Variants in SOCS6 observed in about 807,000 individuals in gnomAD.
SOCS6 encodes the protein STAT induced STAT inhibitor-4.
Under a neutral mutation model 27.7 loss-of-function variants are expected in SOCS6, and 5 were observed. The ratio of observed to expected loss-of-function variants is 0.18; its 90% confidence interval spans 0.09 to 0.38. The LOEUF (loss-of-function observed/expected upper bound fraction) is 0.38, where lower values mean the gene tolerates loss of function less well. SOCS6 is among the 10% of genes least tolerant of loss of function. The pLI is 1.00. For synonymous variants in SOCS6, 271 were observed against 260.0 expected, an observed-to-expected ratio of 1.04 and a Z score of -0.41; for missense variants, 595 against 688.1, an observed-to-expected ratio of 0.86 and a Z score of 1.51.
intron 1 of SOCS6, among the ~76,000 whole-genome samples, chr18:70,317,551 A>G (rs1443678980): frequency 1.4e-4 from 17 of 123,532 alleles, no homozygotes; most frequent in African/African-American, 6.5e-4. Context: ...CTTCATATAT[A>G]CATACACACA....
chr18:70,311,103 T>C (rs1281487477), intron 1 of SOCS6, among the ~76,000 whole-genome samples: 2 of 152,178 alleles, frequency 1.3e-5, no homozygotes, highest in Non-Finnish European at 2.9e-5. Context: ...TGGTCTGAGT[T>C]AGGTGTGGCT....
In SOCS6 at chr18:70,326,281, T is replaced by C. The variant is rs1311664282; in HGVS notation, c.*5T>C. 1 of 1,603,460 alleles carries C rather than the reference T, an allele frequency of 6.2e-7. No homozygotes were observed. The highest frequency in any genetic ancestry group is 1.3e-5 in the African/African-American group (1 of 74,522). On this transcript the variant is annotated 3_prime_UTR_variant, in exon 2 of 2. Transcript: ENST00000397942. ...TTACAGGAGAAGCACTACTGAAAGA[T>C]TGAGAACCCTGCATCTTGCACTTTG...
At chr18:70,296,907 T>TTTC (rs60241769) in intron 1 of SOCS6, among the ~76,000 whole-genome samples, 6 of 36,722 alleles carry the variant, frequency 1.6e-4, no homozygotes, top group African/African-American at 2.7e-4. Context: ...ATTTTCTTTC[T>TTTC]TTTTTTTTTT....
At chr18:70,317,910 A>G (rs759651179) in intron 1 of SOCS6, among the ~76,000 whole-genome samples, 6 of 152,274 alleles carry the variant, frequency 3.9e-5, no homozygotes, top group Admixed American at 1.3e-4. Context: ...GTGGGTGTGC[A>G]TGGTGTGATC....
chr18:70,309,778 G>T lies in SOCS6; in HGVS notation c.-126-14765G>T, dbSNP rs563150543. On this transcript the variant is annotated intron_variant, in intron 1 of 1. Transcript: ENST00000397942. The stretch of plus-strand genomic sequence containing the variant: ...AGCTCACTGCAACTTCCACCTCCCA[G>T]GTTCAAGTGATTCTCCTACCTTGGC... Among the ~76,000 whole-genome samples the T allele has an allele frequency of 2.0e-5, 3 of 152,152 alleles. No individual in the cohort carries two copies. The South Asian group carries it at 6.2e-4, about 32-fold the overall frequency.
chr18:70,305,896 G>GGT (rs951331958), intron 1 of SOCS6, among the ~76,000 whole-genome samples: 7 of 151,298 alleles, frequency 4.6e-5, no homozygotes, highest in African/African-American at 1.7e-4. Flanking sequence ...GGTGTGTGGG[G>GGT]GTGTGTGTGT....
intron 1 of SOCS6, among the ~76,000 whole-genome samples, chr18:70,316,704 T>C (rs930523574): frequency 5.4e-5 from 8 of 147,472 alleles, no homozygotes; most frequent in Non-Finnish European, 1.2e-4. Flanking sequence ...AGAGGACTCT[T>C]TTTTTTCTTC....
chr18:70,290,299 C>T (rs187878416), intron 1 of SOCS6, among the ~76,000 whole-genome samples: 2 of 152,334 alleles, frequency 1.3e-5, no homozygotes, highest in Admixed American at 1.3e-4. Flanking sequence ...GACATCTTCT[C>T]AACCACTGAA....
intron 1 of SOCS6, among the ~76,000 whole-genome samples, chr18:70,289,438 C>T (rs2062288276): frequency 6.8e-6 from 1 of 147,440 alleles, no homozygotes; most frequent in Admixed American, 6.7e-5. Flanking sequence ...TTCTCGACCC[C>T]TCGGCCTCTT....
At chr18:70,294,535 A>G (rs1003234437) in intron 1 of SOCS6, among the ~76,000 whole-genome samples, 37 of 152,380 alleles carry the variant, frequency 2.4e-4, no homozygotes, top group African/African-American at 8.9e-4. Flanking sequence ...CTGACTAGTC[A>G]AAAGTAGTAT....
At chr18:70,295,249 A>G (rs984222803) in intron 1 of SOCS6, among the ~76,000 whole-genome samples, 7 of 152,348 alleles carry the variant, frequency 4.6e-5, no homozygotes, top group African/African-American at 1.4e-4. Flanking sequence ...AACAATTTCA[A>G]TAGTTCAGTG....
intron 1 of SOCS6, among the ~76,000 whole-genome samples, chr18:70,310,683 G>A (rs2062387403): frequency 6.6e-6 from 1 of 152,028 alleles, no homozygotes; most frequent in Non-Finnish European, 1.5e-5. Flanking sequence ...CACATGAGGA[G>A]ACTGAGACAT....
intron 1 of SOCS6, among the ~76,000 whole-genome samples, chr18:70,300,591 T>C (rs148981663): frequency 1.2e-4 from 18 of 152,324 alleles, no homozygotes; most frequent in Admixed American, 2.0e-4. Context: ...TCATTGCTGG[T>C]TAGATATCTA....
At chr18:70,307,608 T>G (rs1237583663) in intron 1 of SOCS6, among the ~76,000 whole-genome samples, 1 of 152,296 alleles carries the variant, frequency 6.6e-6, no homozygotes, top group East Asian at 1.9e-4. Context: ...CCATTTTCTC[T>G]TAAGTTTTCT....
intron 1 of SOCS6, among the ~76,000 whole-genome samples, chr18:70,322,997 A>T (rs41535544): frequency 6.6e-6 from 1 of 152,214 alleles, no homozygotes; most frequent in African/African-American, 2.4e-5. Context: ...GGATTAGGTG[A>T]CCATCAGTTA....
At chr18:70,290,343 C>T (rs1430077506) in intron 1 of SOCS6, among the ~76,000 whole-genome samples, 3 of 152,230 alleles carry the variant, frequency 2.0e-5, no homozygotes, top group Non-Finnish European at 2.9e-5. Context: ...TTTTAACCAA[C>T]TACCACAACA....
intron 1 of SOCS6, among the ~76,000 whole-genome samples, chr18:70,322,945 T>G (rs1911043415): frequency 6.6e-6 from 1 of 152,208 alleles, no homozygotes; most frequent in Non-Finnish European, 1.5e-5. Context: ...ACTGAAGGGT[T>G]GATACTACAG....
In SOCS6 at chr18:70,289,588, G is replaced by GCGGGCT. The variant is rs530564611; in HGVS notation, c.-127+515_-127+520dup. ...CGGCCGGGTCCCTCCTCGGACCTCCGCGGGCTCGGGCTCGGGCTCGGGGTC... is the reference window on the plus strand; with the variant it reads ...CGGCCGGGTCCCTCCTCGGACCTCCGCGGGCTCGGGCTCGGGCTCGGGCTCGGGGTC... On this transcript the variant is annotated intron_variant, in intron 1 of 1. Transcript: ENST00000397942. Among the ~76,000 whole-genome samples, 1,339 of 147,282 alleles carry GCGGGCT rather than the reference G, an allele frequency of 9.1e-3. 20 individuals carry two copies. The highest frequency in any genetic ancestry group is 0.029 in the African/African-American group (1,179 of 40,960).
chr18:70,311,423 G>A (rs2062390407), intron 1 of SOCS6, among the ~76,000 whole-genome samples: 1 of 152,128 alleles, frequency 6.6e-6, no homozygotes, highest in African/African-American at 2.4e-5. Context: ...GGCCCTGAGA[G>A]CATCACGGAC....
Sources: gnomAD v4.1 joint callset for allele counts (sites outside exome capture counted in the v4.1 genomes callset) on GRCh38, gnomAD v4.1.1 for gene constraint, MANE v1.5 for transcripts, NCBI Gene and HGNC (gene_info 2026-07-23, HGNC 2026-07-21) for gene names.